REEP3: variants seen among roughly 807,000 people sequenced by gnomAD.
REEP3 encodes the protein receptor expression-enhancing protein 3.
Under a neutral mutation model 41.3 loss-of-function variants are expected in REEP3, and 20 were observed. That is an observed-to-expected ratio of 0.48 (90% confidence interval 0.34 to 0.70). The LOEUF is 0.70. Ranked by LOEUF, REEP3 falls within the 30% of genes least tolerant of loss-of-function variation. REEP3 has a pLI of 0.01. For missense variants in REEP3, 271 were observed against 308.8 expected (o/e 0.88, Z 0.92); for synonymous variants, 104 against 101.8 (o/e 1.02, Z -0.13).
Position 63,594,630 on chromosome 10 carries a change from T to G in REEP3, c.106-148T>G, listed in dbSNP as rs569725797. Reference sequence around the variant, plus strand: ...TGTTGAAAATTAAACCATCACTTTCTGCGTTTGACCCAACATACTATGTAT... The same window carrying G: ...TGTTGAAAATTAAACCATCACTTTCGGCGTTTGACCCAACATACTATGTAT... On this transcript the variant is annotated intron_variant, in intron 2 of 7. Coordinates refer to ENST00000373758, the MANE Select transcript of REEP3 (RefSeq NM_001001330.3). 2.2e-4 allele frequency: 128 copies of G among 595,038 alleles called. 1 individual carries two copies. The African/African-American group carries it at 2.2e-3, about 10-fold the overall frequency. 36.9% of individuals were successfully genotyped at this position (595,038 alleles called of 1,614,324 possible).
chr10:63,532,429 G>C (rs1333440828), intron 1 of REEP3, among the ~76,000 whole-genome samples: 2 of 152,050 alleles, frequency 1.3e-5, no homozygotes, highest in Non-Finnish European at 2.9e-5. Context: ...TTGGGAGGCC[G>C]AGGTGGGTGG....
chr10:63,563,505 G>A (rs7899657), intron 1 of REEP3, among the ~76,000 whole-genome samples: 70,735 of 151,886 alleles, frequency 0.47, 16,753 homozygotes, highest in Middle Eastern at 0.55. Context: ...CTGAAACCAC[G>A]GATAACACCA....
chr10:63,528,648 C>T (rs1391207348), intron 1 of REEP3, among the ~76,000 whole-genome samples: 2 of 152,150 alleles, frequency 1.3e-5, no homozygotes, highest in African/African-American at 4.8e-5. Context: ...GGTCTACAAA[C>T]AGGACATGAT....
At position 63,549,229 on chromosome 10, in the gene REEP3, C is replaced by T. The variant is rs559953061; in HGVS notation, c.33-17109C>T. On this transcript the variant is annotated intron_variant, in intron 1 of 7. Coordinates refer to ENST00000373758, the MANE Select transcript of REEP3 (RefSeq NM_001001330.3). ...AAACCAAAGAAATAAAGAACTATGT[C>T]TCATTTATTCCATAGAAGGCAGAGG... 2.6e-5 allele frequency among the ~76,000 whole-genome samples: 4 copies of T among 152,256 alleles called. No individual in the cohort carries two copies. The East Asian group carries it at 7.7e-4, about 29-fold the overall frequency.
intron 7 of REEP3, 39 bp from the exon 8 acceptor site, chr10:63,620,774 A>G: frequency 7.4e-7 from 1 of 1,358,328 alleles, no homozygotes; most frequent in South Asian, 1.3e-5. Context: ...TTTTAAAGTA[A>G]TCATCTAATT....
At chr10:63,556,626 GTTGTTTTGTTTTTT>G (rs1955686476) in intron 1 of REEP3, among the ~76,000 whole-genome samples, 6 of 87,098 alleles carry the variant, frequency 6.9e-5, no homozygotes, top group African/African-American at 2.0e-4. Context: ...TTTTTTTTTT[GTTGTTTTGTTTTTT>G]TTTTTTTTTT....
chr10:63,549,962 A>C (rs1458436590), intron 1 of REEP3, among the ~76,000 whole-genome samples: 6 of 152,218 alleles, frequency 3.9e-5, no homozygotes, highest in Non-Finnish European at 7.3e-5. Flanking sequence ...ATGCACTCCC[A>C]CAGAGGCTGG....
chr10:63,580,769 A>G (rs948463725), intron 2 of REEP3, among the ~76,000 whole-genome samples: 5 of 152,244 alleles, frequency 3.3e-5, no homozygotes, highest in African/African-American at 1.2e-4. Context: ...CCGTAATCCC[A>G]GCACTTTGGG....
chr10:63,562,916 T>C (rs1564479350), intron 1 of REEP3: 1 of 456,522 alleles, frequency 2.2e-6, no homozygotes, highest in Non-Finnish European at 4.4e-6. Context: ...TGACTACGTT[T>C]GGAGTTAAGT....
chr10:63,521,854 C>T, intron 1 of REEP3: 1 of 183,656 alleles, frequency 5.4e-6, no homozygotes, highest in East Asian at 1.3e-4. Context: ...TGCGGCGCGG[C>T]GCCCCTGCTC....
rs1956383011 is a variant in REEP3 at position 63,624,680 on chromosome 10, C to G, written c.*3811C>G. 6.6e-6 allele frequency: 1 copy of G among 151,962 alleles called. No individual in the cohort carries two copies. The highest frequency in any genetic ancestry group is 2.4e-5 in the African/African-American group (1 of 41,378). The allele number at this position is 151,962 out of a possible 1,614,324, so 9.4% of individuals were successfully genotyped here. A position where few individuals can be genotyped will look rare whatever the true frequency, so the allele number is the denominator to read the frequency against. ...AAATATATGCACACACTTAGGATTA[C>G]AGATCACAGAGCAAATTATGAAAAT... On this transcript the variant is annotated 3_prime_UTR_variant, in exon 8 of 8. Transcript: ENST00000373758.
chr10:63,542,085 G>T (rs796690623), intron 1 of REEP3, among the ~76,000 whole-genome samples: 36 of 145,168 alleles, frequency 2.5e-4, no homozygotes, highest in East Asian at 1.4e-3. Context: ...TTTTGTTTTT[G>T]TTTTTTTTTT....
intron 6 of REEP3, among the ~76,000 whole-genome samples, chr10:63,617,398 A>T (rs562957208): frequency 6.6e-6 from 1 of 152,308 alleles, no homozygotes; most frequent in African/African-American, 2.4e-5. Flanking sequence ...AGAGCAGACC[A>T]ATAAACATGT....
At chr10:63,570,783 C>T (rs1189102149) in intron 2 of REEP3, among the ~76,000 whole-genome samples, 2 of 152,220 alleles carry the variant, frequency 1.3e-5, no homozygotes, top group African/African-American at 4.8e-5. Flanking sequence ...TGTGTCATCT[C>T]TGAAGACCCT....
intron 1 of REEP3, among the ~76,000 whole-genome samples, chr10:63,558,524 C>T (rs1024077050): frequency 1.3e-5 from 2 of 152,122 alleles, no homozygotes; most frequent in African/African-American, 4.8e-5. Context: ...CAGTGGTTCA[C>T]ACCTGCAATC....
chr10:63,604,355 A>G (rs1956203715), intron 5 of REEP3, among the ~76,000 whole-genome samples: 2 of 152,200 alleles, frequency 1.3e-5, no homozygotes, highest in African/African-American at 2.4e-5. Flanking sequence ...CATGAGAAAC[A>G]TAGGTGGTTT....
chr10:63,592,406 A>T (rs752530783), intron 2 of REEP3, among the ~76,000 whole-genome samples: 10 of 152,202 alleles, frequency 6.6e-5, no homozygotes, highest in Non-Finnish European at 1.2e-4. Flanking sequence ...CAGCCAGAAC[A>T]GTTTCTCTTG....
chr10:63,531,597 A>G (rs182619437), intron 1 of REEP3, among the ~76,000 whole-genome samples: 125 of 152,320 alleles, frequency 8.2e-4, no homozygotes, highest in African/African-American at 2.9e-3. Flanking sequence ...TTCTCAATAC[A>G]CTAGCCACAT....
chr10:63,601,878 G>A (rs1047247080), intron 5 of REEP3, among the ~76,000 whole-genome samples: 1 of 151,976 alleles, frequency 6.6e-6, no homozygotes, highest in Admixed American at 6.6e-5. Flanking sequence ...CCAAGATCAC[G>A]CCATTGCACT....
Sources: allele counts gnomAD v4.1 joint callset (sites outside exome capture counted in the v4.1 genomes callset), GRCh38; gene constraint gnomAD v4.1.1; transcripts MANE v1.5; gene names NCBI Gene and HGNC (gene_info 2026-07-23, HGNC 2026-07-21).